Variants in TPCN2 observed in about 807,000 individuals in gnomAD.
TPCN2 encodes the protein two pore channel protein 2.
A neutral mutation model predicts 111.4 loss-of-function variants in TPCN2; 92 were observed. The observed-to-expected ratio is 0.83, with a 90% CI of 0.70 to 0.98. The LOEUF (loss-of-function observed/expected upper bound fraction) is 0.98. Ranked by LOEUF, TPCN2 falls within the 50% of genes least tolerant of loss-of-function variation. The probability of loss-of-function intolerance (pLI) is 0.00; values close to 1 mark genes in which losing one functional copy is unlikely to be tolerated. For missense variants in TPCN2, 995 were observed against 980.1 expected, an observed-to-expected ratio of 1.02 and a Z score of -0.20; for synonymous variants, 405 against 414.5, an observed-to-expected ratio of 0.98 and a Z score of 0.28.
At chr11:69,064,929 CTGTGTGTGTGTTTGTA>C (rs1565084701) in intron 7 of TPCN2, among the ~76,000 whole-genome samples, 1 of 149,524 alleles carries the variant, frequency 6.7e-6, no homozygotes, top group East Asian at 2.0e-4. Flanking sequence ...GTCTGTATGT[CTGTGTGTGTGTTTGTA>C]TGTGTGCATG....
At chr11:69,056,485 G>C (rs1854773740) in intron 4 of TPCN2, among the ~76,000 whole-genome samples, 2 of 152,308 alleles carry the variant, frequency 1.3e-5, no homozygotes, top group East Asian at 1.9e-4. Context: ...CAAAAGGTGA[G>C]AGAGGGTACA....
chr11:69,069,705 ACT>A (rs1565087292), intron 8 of TPCN2, among the ~76,000 whole-genome samples: 3 of 73,572 alleles, frequency 4.1e-5, no homozygotes, highest in African/African-American at 1.5e-4. Context: ...AAGTGACCGC[ACT>A]GGGAGCAGGA....
At chr11:69,082,825 T>C (rs60904925) in intron 18 of TPCN2, among the ~76,000 whole-genome samples, 24,784 of 59,964 alleles carry the variant, frequency 0.41, 9,083 homozygotes, top group South Asian at 0.68. Context: ...TGATCGTGTG[T>C]GCACACATCA....
intron 1 of TPCN2, among the ~76,000 whole-genome samples, chr11:69,051,481 A>G (rs577166419): frequency 2.0e-5 from 3 of 152,220 alleles, no homozygotes; most frequent in Non-Finnish European, 4.4e-5. Flanking sequence ...GGACTTGCCC[A>G]GGGTCACAGA....
rs925496432 is a variant in TPCN2, at chr11:69,081,110, G to C, written c.1590-290G>C. On this transcript the variant is annotated intron_variant, in intron 17 of 24. Transcript: ENST00000294309. ...TCCATGCCCTCCCGTGTGGACAGAG[G>C]GTCTGTGTAGAAGGAGGGCTGCAGC... 2.0e-4 allele frequency among the ~76,000 whole-genome samples: 30 copies of C among 152,148 alleles called. No individual in the cohort carries two copies. The South Asian group carries it at 5.8e-3, about 29-fold the overall frequency.
At position 69,089,532 on chromosome 11, in the gene TPCN2, T is replaced by C. The variant is rs1856380790; in HGVS notation, c.*1579T>C. On this transcript the variant is annotated 3_prime_UTR_variant, in exon 25 of 25. Coordinates refer to ENST00000294309, the MANE Select transcript of TPCN2 (RefSeq NM_139075.4). ...GCCCATGGCTCCCAGGTTGTGTTCA[T>C]GTGACGTTTCCTTGTGGTAGGTTCT... is the stretch of plus-strand genomic sequence containing the variant. The C allele has an allele frequency of 1.3e-5, 2 of 152,300 alleles. No homozygotes were observed. The highest frequency in any genetic ancestry group is 4.8e-5 in the African/African-American group (2 of 41,474). The allele number at this position is 152,300 out of a possible 1,614,324, so 9.4% of individuals were successfully genotyped here. A position where few individuals can be genotyped will look rare whatever the true frequency, so the allele number is the denominator to read the frequency against.
At chr11:69,071,815 C>CG in intron 10 of TPCN2, 108 bp from the exon 11 acceptor site, 1 of 1,032,768 alleles carries the variant, frequency 9.7e-7, no homozygotes, top group Middle Eastern at 2.1e-4. Context: ...GGCCCCCCCC[C>CG]AAGGCTGCCC....
chr11:69,073,894 G>A (rs934791540), intron 13 of TPCN2, among the ~76,000 whole-genome samples: 2 of 151,920 alleles, frequency 1.3e-5, no homozygotes, highest in African/African-American at 2.4e-5. Flanking sequence ...TGTAGACATC[G>A]CCTTCTCCCT....
chr11:69,080,707 C>T (rs1855969230), intron 17 of TPCN2, among the ~76,000 whole-genome samples: 1 of 152,116 alleles, frequency 6.6e-6, no homozygotes, highest in African/African-American at 2.4e-5. Context: ...CCGTCAGCTC[C>T]CTAGGAAGCC....
intron 13 of TPCN2, among the ~76,000 whole-genome samples, chr11:69,078,196 C>T (rs550717252): frequency 6.6e-5 from 10 of 150,742 alleles, no homozygotes; most frequent in South Asian, 2.1e-4. Flanking sequence ...TGACACTTTG[C>T]GTATGTTTCA....
chr11:69,062,437 A>G (rs1016275363), intron 5 of TPCN2, among the ~76,000 whole-genome samples: 1 of 150,008 alleles, frequency 6.7e-6, no homozygotes, highest in Non-Finnish European at 1.5e-5. Flanking sequence ...TGGGAGGGGA[A>G]GGCTTGGAGA....
chr11:69,082,300 C>T (rs1590749319), intron 18 of TPCN2, among the ~76,000 whole-genome samples: 2 of 152,250 alleles, frequency 1.3e-5, no homozygotes, highest in African/African-American at 4.8e-5. Context: ...TCACACACAA[C>T]CACACATGTG....
At chr11:69,074,954 G>C (rs1321125527) in intron 13 of TPCN2, among the ~76,000 whole-genome samples, 1 of 152,194 alleles carries the variant, frequency 6.6e-6, no homozygotes, top group Non-Finnish European at 1.5e-5. Flanking sequence ...GTCAGGATTT[G>C]GTGAGACCTG....
intron 11 of TPCN2, 110 bp from the exon 12 acceptor site, chr11:69,072,517 G>A: frequency 3.8e-6 from 4 of 1,065,958 alleles, no homozygotes; most frequent in Non-Finnish European, 5.5e-6. Context: ...AAGCTGCAAA[G>A]TGGCTTCATG....
At chr11:69,063,642 A>G (rs534045549) in intron 6 of TPCN2, among the ~76,000 whole-genome samples, 125 of 152,160 alleles carry the variant, frequency 8.2e-4, no homozygotes, top group African/African-American at 2.8e-3. Flanking sequence ...ATGCTGTCTC[A>G]GCTGGGCCCC....
rs374411136 is a variant in TPCN2 at position 69,049,077 on chromosome 11, C to G, written c.80C>G (p.Thr27Ser). Residue 27 changes from threonine (T) to serine (S), a missense_variant, in exon 1 of 25, where the codon ACC becomes AGC. By Grantham distance (58) the Thr-to-Ser change is moderately conservative (BLOSUM62 1). Transcript: ENST00000294309. ...GGCGGCGACTGGCCGGCGGGGCTGA[C>G]CACTTACCGCAGCATCCAAGTCGGC... ...GGGGDWPAGL[T>S]TYRSIQVGPG... 6.3e-5 allele frequency: 78 copies of G among 1,242,294 alleles called. 2 individuals carry two copies. The Middle Eastern group carries it at 8.7e-4, about 14-fold the overall frequency. The allele number at this position is 1,242,294 out of a possible 1,614,324, so 77.0% of individuals were successfully genotyped here.
intron 1 of TPCN2, among the ~76,000 whole-genome samples, chr11:69,052,105 G>A (rs1487501618): frequency 1.3e-5 from 2 of 152,186 alleles, no homozygotes; most frequent in Non-Finnish European, 2.9e-5. Flanking sequence ...AGTGCTGGAT[G>A]GTTCCAGGGG....
At chr11:69,059,641 C>T (rs1854931235) in intron 5 of TPCN2, among the ~76,000 whole-genome samples, 1 of 152,252 alleles carries the variant, frequency 6.6e-6, no homozygotes, top group Non-Finnish European at 1.5e-5. Flanking sequence ...CCGGGGCTGC[C>T]CCAGCTCTTT....
chr11:69,073,878 C>A (rs1855642336), intron 13 of TPCN2, among the ~76,000 whole-genome samples: 1 of 152,176 alleles, frequency 6.6e-6, no homozygotes, highest in Non-Finnish European at 1.5e-5. Context: ...GGCCTCTCTC[C>A]ATGGCTGTAG....
Sources: allele counts gnomAD v4.1 joint callset (sites outside exome capture counted in the v4.1 genomes callset), GRCh38; gene constraint gnomAD v4.1.1; transcripts MANE v1.5; gene names NCBI Gene and HGNC (gene_info 2026-07-23, HGNC 2026-07-21).